The following TCEA1 variants were observed in gnomAD, a reference collection of about 807,000 sequenced individuals.
The protein encoded by TCEA1 is transcription elongation factor A protein 1.
A neutral mutation model predicts 43.8 loss-of-function variants in TCEA1; 21 were observed. That is an observed-to-expected ratio of 0.48 (90% CI 0.34 to 0.69). The LOEUF (loss-of-function observed/expected upper bound fraction) is 0.69, where lower values mean the gene tolerates loss of function less well. TCEA1 is among the 30% of genes least tolerant of loss of function. The probability of loss-of-function intolerance (pLI) is 0.01; values close to 1 mark genes in which losing one functional copy is unlikely to be tolerated. For missense variants in TCEA1, 250 were observed against 365.1 expected (o/e 0.68, Z 2.57); for synonymous variants, 104 against 117.5 (o/e 0.88, Z 0.75).
At chr8:53,976,999 A>G (rs980587721) in intron 8 of TCEA1, among the ~76,000 whole-genome samples, 3 of 152,234 alleles carry the variant, frequency 2.0e-5, no homozygotes, top group Admixed American at 6.5e-5. Context: ...AGAAGCTCAT[A>G]TAACATTTTC....
chr8:54,001,993 A>C (rs1054290060), intron 2 of TCEA1, among the ~76,000 whole-genome samples: 1 of 150,262 alleles, frequency 6.7e-6, no homozygotes, highest in Non-Finnish European at 1.5e-5. Flanking sequence ...AAAAAAACAA[A>C]AAACAAACAA....
At chr8:53,997,660 G>A (rs960045814) in intron 3 of TCEA1, among the ~76,000 whole-genome samples, 1 of 152,228 alleles carries the variant, frequency 6.6e-6, no homozygotes, top group African/African-American at 2.4e-5. Context: ...CACTTTGGGA[G>A]GCCAAGGCAG....
intron 8 of TCEA1, chr8:53,973,299 C>G (rs1487012001): frequency 1.9e-6 from 1 of 515,600 alleles, no homozygotes; most frequent in Non-Finnish European, 3.6e-6. Context: ...AAAGAAAGTG[C>G]AAAGAGATGG....
chr8:53,989,619 T>C (rs1228043199), intron 4 of TCEA1, among the ~76,000 whole-genome samples: 1 of 152,270 alleles, frequency 6.6e-6, no homozygotes, highest in East Asian at 1.9e-4. Context: ...TTTCATACAT[T>C]TTCTTCTCTA....
chr8:54,022,358 G>A lies in TCEA1; in HGVS notation c.-233C>T, dbSNP rs1586048918. The A allele has an allele frequency of 1.8e-6, 1 of 568,868 alleles. No individual in the cohort carries two copies. Among genetic ancestry groups the A allele is most frequent in the Non-Finnish European group, 3.1e-6 (1 of 326,440 alleles). 35.2% of individuals were successfully genotyped at this position (568,868 alleles called of 1,614,324 possible). A position where few individuals can be genotyped will look rare whatever the true frequency, so the allele number is the denominator to read the frequency against. On this transcript the variant is annotated 5_prime_UTR_variant, in exon 1 of 10. Transcript: ENST00000521604. ...CGAACACCGCGCGCGACGTGCAGGC[G>A]CTACCAACTGACTGCAGATCGCTGG...
At chr8:54,008,790 C>G (rs762545046) in intron 2 of TCEA1, among the ~76,000 whole-genome samples, 5 of 151,424 alleles carry the variant, frequency 3.3e-5, no homozygotes, top group Non-Finnish European at 7.4e-5. Context: ...AAATAAAAAC[C>G]ACCATGAGAT....
chr8:53,986,846 G>A, intron 6 of TCEA1, 123 bp downstream of exon 6: 1 of 679,156 alleles, frequency 1.5e-6, no homozygotes, highest in Non-Finnish European at 2.5e-6. Flanking sequence ...TCTGTAAAAT[G>A]GGATGAGAGC....
intron 2 of TCEA1, 126 bp from the exon 3 acceptor site, chr8:54,000,176 G>C (rs2129308695): frequency 3.3e-6 from 2 of 612,802 alleles, no homozygotes; most frequent in East Asian, 5.7e-5. Context: ...TCAATTTTTG[G>C]ATCCTTATAA....
intron 7 of TCEA1, among the ~76,000 whole-genome samples, chr8:53,981,704 G>A (rs1348542969): frequency 2.0e-5 from 3 of 151,680 alleles, no homozygotes; most frequent in Non-Finnish European, 2.9e-5. Flanking sequence ...TTTCATGCCT[G>A]CTAACAACAA....
chr8:53,986,673 G>A (rs931636331), intron 6 of TCEA1, among the ~76,000 whole-genome samples: 1 of 152,022 alleles, frequency 6.6e-6, no homozygotes, highest in Non-Finnish European at 1.5e-5. Flanking sequence ...TTTAAACTTC[G>A]CTGTTTCTAG....
chr8:53,996,494 C>G (rs894557180), intron 3 of TCEA1, among the ~76,000 whole-genome samples: 12 of 152,208 alleles, frequency 7.9e-5, no homozygotes, highest in African/African-American at 2.7e-4. Flanking sequence ...CTTAAGTACT[C>G]AACAATGTGC....
chr8:53,984,128 T>G (rs1421766670), intron 7 of TCEA1, among the ~76,000 whole-genome samples: 2 of 152,202 alleles, frequency 1.3e-5, no homozygotes, highest in South Asian at 2.1e-4. Context: ...AACACGTTTG[T>G]TTTTAGAAAA....
At chr8:54,006,639 C>T (rs13280822) in intron 2 of TCEA1, among the ~76,000 whole-genome samples, 1 of 152,262 alleles carries the variant, frequency 6.6e-6, no homozygotes, top group South Asian at 2.1e-4. Context: ...AATGGGATTA[C>T]TATGTTGTTT....
intron 2 of TCEA1, chr8:54,002,763 T>C: frequency 5.2e-6 from 2 of 383,954 alleles, no homozygotes; most frequent in South Asian, 3.9e-5. Context: ...ATTATAACTG[T>C]TTTCTTGACT....
chr8:54,010,551 G>T, intron 1 of TCEA1, 59 bp from the exon 2 acceptor site: 1 of 1,371,514 alleles, frequency 7.3e-7, no homozygotes, highest in African/African-American at 1.5e-5. Flanking sequence ...GGACTAGCCA[G>T]AAATAAGGTT....
chr8:54,015,131 G>T (rs1804782458), intron 1 of TCEA1, among the ~76,000 whole-genome samples: 1 of 151,882 alleles, frequency 6.6e-6, no homozygotes, highest in African/African-American at 2.4e-5. Flanking sequence ...CTTCTTCATA[G>T]GCATTATTAT....
rs753103228 is a variant in TCEA1 at position 54,022,132 on chromosome 8, G to A, written c.-7C>T. On this transcript the variant is annotated 5_prime_UTR_variant, in exon 1 of 10. Coordinates refer to ENST00000521604, the MANE Select transcript of TCEA1 (RefSeq NM_006756.4). ...GGACCACTTCGTCCTCCATGGCTCCGGCAGGTCTTCTCCGCGCCCACCCCG... is the reference window on the plus strand; with the variant it reads ...GGACCACTTCGTCCTCCATGGCTCCAGCAGGTCTTCTCCGCGCCCACCCCG... The A allele has an allele frequency of 6.3e-6, 10 of 1,597,884 alleles. No individual in the cohort carries two copies. Among genetic ancestry groups the A allele is most frequent in the African/African-American group, 4.1e-5 (3 of 73,362 alleles).
chr8:53,972,387 G>T, intron 8 of TCEA1: 1 of 548,004 alleles, frequency 1.8e-6, no homozygotes. Flanking sequence ...AGGAAATATA[G>T]AAACTAGTTC....
Position 53,995,128 on chromosome 8 carries a change from C to G in TCEA1, c.233-1373G>C, listed in dbSNP as rs551715026. Among the ~76,000 whole-genome samples, 617 of 151,914 alleles carry G rather than the reference C, an allele frequency of 4.1e-3. 4 individuals are homozygous for G. Among genetic ancestry groups the G allele is most frequent in the African/African-American group, 0.014 (588 of 41,434 alleles). On this transcript the variant is annotated intron_variant, in intron 3 of 9. Transcript: ENST00000521604. Reference sequence around the variant, plus strand: ...CCAGCCTAGCCAATATGGTGAAACCCTATCTCTACTAAAAATACAAAAATT... The same window carrying G: ...CCAGCCTAGCCAATATGGTGAAACCGTATCTCTACTAAAAATACAAAAATT...
Sources: allele counts gnomAD v4.1 joint callset (sites outside exome capture counted in the v4.1 genomes callset), GRCh38; gene constraint gnomAD v4.1.1; transcripts MANE v1.5; gene names NCBI Gene and HGNC (gene_info 2026-07-23, HGNC 2026-07-21).